The following EYA2 variants were observed in gnomAD, a reference collection of about 807,000 sequenced individuals.
The protein encoded by EYA2 is EYA transcriptional coactivator and phosphatase 2.
EYA2 carries 31 observed loss-of-function variants against 69.2 expected under a neutral mutation model. The ratio of observed to expected loss-of-function variants is 0.45; its 90% CI spans 0.34 to 0.60. The LOEUF is 0.60. Ranked by LOEUF, EYA2 falls within the 20% of genes least tolerant of loss-of-function variation. The pLI, the probability that EYA2 is intolerant of heterozygous loss-of-function variation, is 0.02. For missense variants in EYA2, 622 were observed against 701.2 expected, an observed-to-expected ratio of 0.89 and a Z score of 1.28; for synonymous variants, 257 against 279.4, an observed-to-expected ratio of 0.92 and a Z score of 0.80.
At chr20:47,120,209 A>G (rs2033009158) in intron 9 of EYA2, among the ~76,000 whole-genome samples, 1 of 149,928 alleles carries the variant, frequency 6.7e-6, no homozygotes, top group Non-Finnish European at 1.5e-5. Context: ...CTCCGCCTCA[A>G]AAAAAAAATT....
intron 1 of EYA2, among the ~76,000 whole-genome samples, chr20:46,917,152 C>G (rs1984946776): frequency 6.6e-6 from 1 of 152,144 alleles, no homozygotes; most frequent in Non-Finnish European, 1.5e-5. Flanking sequence ...TTCCTCAAAG[C>G]ACTTAAACTT....
chr20:47,040,811 G>C (rs548073744), intron 5 of EYA2, among the ~76,000 whole-genome samples: 1 of 151,986 alleles, frequency 6.6e-6, no homozygotes, highest in East Asian at 1.9e-4. Flanking sequence ...GTCTTGAACT[G>C]TCCCTAGAAA....
intron 15 of EYA2, among the ~76,000 whole-genome samples, chr20:47,187,761 G>A (rs2034674572): frequency 6.6e-6 from 1 of 152,250 alleles, no homozygotes; most frequent in Admixed American, 6.5e-5. Context: ...CCATGTCAGT[G>A]CACCGCCTAA....
intron 1 of EYA2, among the ~76,000 whole-genome samples, chr20:46,907,796 G>A (rs984442420): frequency 2.6e-5 from 4 of 152,030 alleles, no homozygotes; most frequent in African/African-American, 7.2e-5. Flanking sequence ...CCGAGATGGT[G>A]CCACTGCCAG....
intron 4 of EYA2, among the ~76,000 whole-genome samples, chr20:47,009,476 A>G (rs1982927927): frequency 6.6e-6 from 1 of 152,214 alleles, no homozygotes; most frequent in African/African-American, 2.4e-5. Context: ...ATGCAATATT[A>G]AAGACATACA....
chr20:47,150,935 C>A (rs1033006328), intron 10 of EYA2, among the ~76,000 whole-genome samples: 1 of 151,948 alleles, frequency 6.6e-6, no homozygotes, highest in East Asian at 2.0e-4. Context: ...CAGTCACGTG[C>A]CAATAAAAAC....
intron 1 of EYA2, among the ~76,000 whole-genome samples, chr20:46,950,693 G>A (rs1264516581): frequency 4.6e-5 from 7 of 152,222 alleles, no homozygotes; most frequent in Non-Finnish European, 7.3e-5. Flanking sequence ...GTCTGGAGTA[G>A]TTTGGCTTGC....
intron 10 of EYA2, among the ~76,000 whole-genome samples, chr20:47,160,026 G>A (rs1260538829): frequency 6.6e-6 from 1 of 150,622 alleles, no homozygotes; most frequent in Admixed American, 6.6e-5. Flanking sequence ...CAGACCACAT[G>A]GAGCCAGGTT....
chr20:46,925,687 G>A (rs1273226551), intron 1 of EYA2, among the ~76,000 whole-genome samples: 1 of 152,220 alleles, frequency 6.6e-6, no homozygotes, highest in East Asian at 1.9e-4. Flanking sequence ...TGAGGCTGTG[G>A]GGAAACAGAC....
chr20:47,163,875 T>G (rs544949386), intron 10 of EYA2, among the ~76,000 whole-genome samples: 91 of 152,196 alleles, frequency 6.0e-4, no homozygotes, highest in African/African-American at 2.1e-3. Context: ...TTGCAGGTGT[T>G]ACTCTGGGTC....
At chr20:47,000,164 C>T (rs979435962) in intron 2 of EYA2, among the ~76,000 whole-genome samples, 10 of 152,164 alleles carry the variant, frequency 6.6e-5, no homozygotes, top group African/African-American at 2.4e-4. Flanking sequence ...TCACAGGGTA[C>T]TTATGAGGAT....
rs147135860 is a variant in EYA2 at position 47,168,285 on chromosome 20, G to A, written c.979-854G>A. 3.4e-3 allele frequency among the ~76,000 whole-genome samples: 520 copies of A among 152,054 alleles called. 3 individuals carry two copies. Among genetic ancestry groups the A allele is most frequent in the African/African-American group, 0.01 (424 of 41,456 alleles). Reference sequence around the variant, plus strand: ...CGGCTCACTACAACCTCCACTTGCTGGGTTCAAGCAGTTCTCCTGCCTCAG... The same window carrying A: ...CGGCTCACTACAACCTCCACTTGCTAGGTTCAAGCAGTTCTCCTGCCTCAG... On this transcript the variant is annotated intron_variant, in intron 10 of 15. Coordinates refer to ENST00000327619, the MANE Select transcript of EYA2 (RefSeq NM_005244.5).
intron 2 of EYA2, among the ~76,000 whole-genome samples, chr20:46,999,220 T>C (rs572461501): frequency 6.6e-6 from 1 of 152,346 alleles, no homozygotes; most frequent in East Asian, 1.9e-4. Context: ...TTTAATTCAG[T>C]AACTTATGCA....
intron 10 of EYA2, among the ~76,000 whole-genome samples, chr20:47,145,316 A>T (rs1178134931): frequency 7.9e-5 from 12 of 152,096 alleles, no homozygotes; most frequent in Admixed American, 7.9e-4. Flanking sequence ...ATTCAGATGG[A>T]GATCGGGGGC....
At chr20:47,039,559 C>T (rs1984921201) in intron 5 of EYA2, among the ~76,000 whole-genome samples, 1 of 152,286 alleles carries the variant, frequency 6.6e-6, no homozygotes, top group South Asian at 2.1e-4. Flanking sequence ...TATATTTTAA[C>T]CCTGAGCTGG....
At chr20:47,085,794 G>A (rs1020542053) in intron 7 of EYA2, among the ~76,000 whole-genome samples, 72 of 152,262 alleles carry the variant, frequency 4.7e-4, no homozygotes, top group African/African-American at 1.7e-3. Flanking sequence ...TCAAACCAAA[G>A]TCTATAGTGA....
intron 1 of EYA2, among the ~76,000 whole-genome samples, chr20:46,906,002 G>A (rs755752715): frequency 3.3e-5 from 5 of 152,160 alleles, no homozygotes; most frequent in Non-Finnish European, 7.3e-5. Flanking sequence ...TCTCTGAAGG[G>A]CAGACTTCTT....
At chr20:46,982,867 G>A (rs1016484339) in intron 1 of EYA2, among the ~76,000 whole-genome samples, 15 of 150,346 alleles carry the variant, frequency 1.0e-4, no homozygotes, top group African/African-American at 3.7e-4. Flanking sequence ...TCCGCCTCCT[G>A]GGTTCAAGCA....
chr20:46,960,813 C>T (rs1401524865), intron 1 of EYA2, among the ~76,000 whole-genome samples: 1 of 152,218 alleles, frequency 6.6e-6, no homozygotes, highest in Non-Finnish European at 1.5e-5. Flanking sequence ...CAACCCCTGC[C>T]CTAGGACCTT....
Sources: allele counts gnomAD v4.1 joint callset (sites outside exome capture counted in the v4.1 genomes callset), GRCh38; gene constraint gnomAD v4.1.1; transcripts MANE v1.5; gene names NCBI Gene and HGNC (gene_info 2026-07-23, HGNC 2026-07-21).